MTRES1: variants seen among roughly 807,000 people sequenced by gnomAD.
MTRES1 encodes the protein mitochondrial transcription rescue factor 1.
A neutral mutation model predicts 17.4 loss-of-function variants in MTRES1; 11 were observed. The ratio of observed to expected loss-of-function variants is 0.63; its 90% CI spans 0.40 to 1.05. The LOEUF (loss-of-function observed/expected upper bound fraction) is 1.05, where lower values mean the gene tolerates loss of function less well. Ranked by LOEUF, MTRES1 falls within the 50% of genes least tolerant of loss-of-function variation. The pLI is 0.00. For missense variants in MTRES1, 268 were observed against 276.2 expected, an observed-to-expected ratio of 0.97 and a Z score of 0.21; for synonymous variants, 94 against 99.6, an observed-to-expected ratio of 0.94 and a Z score of 0.34.
intron 3 of MTRES1, among the ~76,000 whole-genome samples, chr6:107,044,894 T>A (rs1774339812): frequency 6.6e-6 from 1 of 152,100 alleles, no homozygotes; most frequent in African/African-American, 2.4e-5. Context: ...TAACAATAAA[T>A]CATATATAAA....
intron 3 of MTRES1, among the ~76,000 whole-genome samples, chr6:107,050,823 G>A (rs953730426): frequency 1.3e-5 from 2 of 151,842 alleles, no homozygotes; most frequent in African/African-American, 2.4e-5. Context: ...GTGATCCACC[G>A]AGCTTGGCCT....
In MTRES1 at chr6:107,051,463, C is replaced by A; in HGVS notation, c.*227C>A. On this transcript the variant is annotated 3_prime_UTR_variant, in exon 4 of 4. Transcript: ENST00000311381. ...CCTTTGACCTCCTCGTGTGAGAACC[C>A]CTTTGCCAGAGTGAGACGTGTGCAG... is the stretch of plus-strand genomic sequence containing the variant. 4.4e-6 allele frequency: 2 copies of A among 456,580 alleles called. No homozygotes were observed. The highest frequency in any genetic ancestry group is 7.9e-6 in the Non-Finnish European group (2 of 254,538). 28.3% of individuals were successfully genotyped at this position (456,580 alleles called of 1,614,324 possible). A position where few individuals can be genotyped will look rare whatever the true frequency, so the allele number is the denominator to read the frequency against.
chr6:107,034,230 C>G (rs1773933659), intron 1 of MTRES1, among the ~76,000 whole-genome samples: 1 of 152,114 alleles, frequency 6.6e-6, no homozygotes, highest in Non-Finnish European at 1.5e-5. Flanking sequence ...GGACTTTTCT[C>G]AAAGTCAGGA....
intron 1 of MTRES1, among the ~76,000 whole-genome samples, chr6:107,033,314 G>T (rs1554226632): frequency 6.6e-6 from 1 of 152,080 alleles, no homozygotes; most frequent in Non-Finnish European, 1.5e-5. Flanking sequence ...TGGTAGAGGA[G>T]GATGTGACTC....
chr6:107,029,130 A>G (rs1179413079), intron 1 of MTRES1, among the ~76,000 whole-genome samples: 2 of 150,212 alleles, frequency 1.3e-5, no homozygotes, highest in Non-Finnish European at 2.9e-5. Context: ...GGTTCACGCC[A>G]TTCTCCTGCC....
rs1582618397 is a variant in MTRES1 at position 107,047,543 on chromosome 6, C to T, written c.543+3211C>T. ...CCTATACACCTTTTCTTTGTCTACC[C>T]TTTTGTATCTTCTAAATTTTGTATC... is the stretch of plus-strand genomic sequence containing the variant. On this transcript the variant is annotated intron_variant, in intron 3 of 3. Coordinates refer to ENST00000311381, the MANE Select transcript of MTRES1 (RefSeq NM_016487.5). Among the ~76,000 whole-genome samples, 4 of 152,148 alleles carry T rather than the reference C, an allele frequency of 2.6e-5. No homozygotes were observed. In the South Asian group the frequency reaches 8.3e-4, roughly 32 times the overall value.
chr6:107,030,198 G>T (rs1773790212), intron 1 of MTRES1: 1 of 717,750 alleles, frequency 1.4e-6, no homozygotes, highest in Admixed American at 2.0e-5. Flanking sequence ...AGGAAATGGG[G>T]GTTGAGGGAG....
rs534584505 is a variant in MTRES1 at position 107,037,175 on chromosome 6, G to A, written c.-12-2574G>A. Among the ~76,000 whole-genome samples the A allele has an allele frequency of 1.7e-3, 259 of 152,136 alleles. 1 individual carries two copies. The highest frequency in any genetic ancestry group is 2.0e-3 in the Non-Finnish European group (139 of 67,990). On this transcript the variant is annotated intron_variant, in intron 1 of 3. Coordinates refer to ENST00000311381, the MANE Select transcript of MTRES1 (RefSeq NM_016487.5). ...ATCCCAGACTGGAGTGCAGTGACAC[G>A]ATCTCAGCTCACTGCAACCTCTGCC...
chr6:107,050,311 T>C (rs1300594746), intron 3 of MTRES1, among the ~76,000 whole-genome samples: 44 of 152,370 alleles, frequency 2.9e-4, no homozygotes, highest in African/African-American at 1.0e-3. Flanking sequence ...GGAAATTGTC[T>C]TCACTGTGCA....
chr6:107,046,513 T>C (rs1774395906), intron 3 of MTRES1, among the ~76,000 whole-genome samples: 1 of 152,132 alleles, frequency 6.6e-6, no homozygotes, highest in Non-Finnish European at 1.5e-5. Context: ...CCATAGAAAC[T>C]GCAGCTAACT....
At chr6:107,028,851 G>A (rs1370502718) in intron 1 of MTRES1, 2 of 983,802 alleles carry the variant, frequency 2.0e-6, no homozygotes, top group African/African-American at 3.5e-5. Context: ...CCTCCTATGG[G>A]ATTCTGCCGT....
At chr6:107,034,651 T>C (rs782007192) in intron 1 of MTRES1, among the ~76,000 whole-genome samples, 1 of 152,152 alleles carries the variant, frequency 6.6e-6, no homozygotes, top group Non-Finnish European at 1.5e-5. Context: ...AGTTAACGTG[T>C]AGAGCAATGC....
At chr6:107,050,551 C>CTTTTTTT (rs142268482) in intron 3 of MTRES1, among the ~76,000 whole-genome samples, 117 of 81,460 alleles carry the variant, frequency 1.4e-3, no homozygotes, top group African/African-American at 3.0e-3. Flanking sequence ...CTCTCCCTTT[C>CTTTTTTT]TTTTTTTTTT....
chr6:107,051,162 G>C lies in MTRES1; in HGVS notation c.649G>C (p.Glu217Gln). 6.2e-7 allele frequency: 1 copy of C among 1,614,088 alleles called. No individual in the cohort carries two copies. The highest frequency in any genetic ancestry group is 1.1e-5 in the South Asian group (1 of 91,082). ...GAAAAAAGTGTTTGAAGAGAAGACT[G>C]AAAGTGAAAAATACAGAGTGGTGTT... ...LLKKVFEEKTESEKYRVVLRR... is the reference protein window; with the variant it reads ...LLKKVFEEKTQSEKYRVVLRR... The change falls in exon 4 of 4, where the codon GAA becomes CAA. Residue 217 changes from glutamate to glutamine, a missense_variant. By Grantham distance (29) the Glu-to-Gln change is conservative. Transcript: ENST00000311381.
intron 3 of MTRES1, among the ~76,000 whole-genome samples, chr6:107,048,484 A>G (rs1424661694): frequency 2.6e-5 from 4 of 151,674 alleles, no homozygotes; most frequent in Non-Finnish European, 5.9e-5. Context: ...TAGTCATTTT[A>G]AAAAATTGAA....
At chr6:107,030,153 A>G (rs1554226268) in intron 1 of MTRES1, 2 of 718,568 alleles carry the variant, frequency 2.8e-6, no homozygotes, top group Non-Finnish European at 5.2e-6. Flanking sequence ...CTGAAGCTGA[A>G]TTTGCAAGAG....
chr6:107,048,498 A>C (rs1253090419), intron 3 of MTRES1, among the ~76,000 whole-genome samples: 1 of 150,496 alleles, frequency 6.6e-6, no homozygotes, highest in African/African-American at 2.4e-5. Flanking sequence ...AATTGAACCC[A>C]GGGTTGGGCG....
intron 1 of MTRES1, among the ~76,000 whole-genome samples, chr6:107,033,057 G>A (rs1412778933): frequency 2.0e-5 from 3 of 152,136 alleles, no homozygotes; most frequent in South Asian, 2.1e-4. Flanking sequence ...ATATGTGGGC[G>A]AACGAGTGAT....
At chr6:107,029,598 C>G (rs1002662825) in intron 1 of MTRES1, among the ~76,000 whole-genome samples, 1 of 152,082 alleles carries the variant, frequency 6.6e-6, no homozygotes, top group Non-Finnish European at 1.5e-5. Flanking sequence ...ATTCTTCAGC[C>G]TCAGCCTCCC....
Sources: gnomAD v4.1 joint callset for allele counts (sites outside exome capture counted in the v4.1 genomes callset) on GRCh38, gnomAD v4.1.1 for gene constraint, MANE v1.5 for transcripts, NCBI Gene and HGNC (gene_info 2026-07-23, HGNC 2026-07-21) for gene names.